RNF149: variants seen among roughly 807,000 people sequenced by gnomAD.
RNF149 encodes ring finger protein 149.
RNF149 carries 21 observed loss-of-function variants against 39.0 expected under a neutral mutation model. The observed-to-expected ratio is 0.54, with a 90% CI of 0.38 to 0.77. The LOEUF (loss-of-function observed/expected upper bound fraction) is 0.77, where lower values mean the gene tolerates loss of function less well. Ranked by LOEUF, RNF149 falls within the 30% of genes least tolerant of loss-of-function variation. The pLI is 0.00. For synonymous variants in RNF149, 209 were observed against 213.6 expected (o/e 0.98, Z 0.19); for missense variants, 493 against 534.9 (o/e 0.92, Z 0.77).
At chr2:101,300,975 T>C (rs1431468318) in intron 1 of RNF149, among the ~76,000 whole-genome samples, 1 of 152,222 alleles carries the variant, frequency 6.6e-6, no homozygotes, top group Non-Finnish European at 1.5e-5. Context: ...GCTCAAGTTA[T>C]TGTGCACCAC....
chr2:101,278,998 A>AT (rs1171117543), intron 6 of RNF149, among the ~76,000 whole-genome samples: 1 of 152,254 alleles, frequency 6.6e-6, no homozygotes, highest in African/African-American at 2.4e-5. Context: ...TTTCTCAACT[A>AT]TAAGTGAAAC....
In RNF149 at chr2:101,302,033, T is replaced by C. The variant is rs72986743; in HGVS notation, c.460+6096A>G. ...ACTAACTAACTGCAACACTCTACTTTTTTTCCCTCCTCTCTGGAGAATTTC... is the reference window on the plus strand; with the variant it reads ...ACTAACTAACTGCAACACTCTACTTCTTTTCCCTCCTCTCTGGAGAATTTC... On this transcript the variant is annotated intron_variant, in intron 1 of 6. Coordinates refer to ENST00000295317, the MANE Select transcript of RNF149 (RefSeq NM_173647.4). 2.8e-3 allele frequency among the ~76,000 whole-genome samples: 433 copies of C among 152,356 alleles called. 2 individuals carry two copies. Among genetic ancestry groups the C allele is most frequent in the African/African-American group, 9.7e-3 (403 of 41,592 alleles).
intron 1 of RNF149, chr2:101,307,885 G>C: frequency 1.0e-6 from 1 of 985,362 alleles, no homozygotes. Context: ...AACGTCTTTA[G>C]TACTCCCTTC....
intron 5 of RNF149, among the ~76,000 whole-genome samples, chr2:101,283,337 T>A (rs921946856): frequency 5.3e-5 from 8 of 152,078 alleles, no homozygotes; most frequent in African/African-American, 1.7e-4. Flanking sequence ...CATCTTTGTC[T>A]CCCCAGAGCC....
At chr2:101,286,450 T>C (rs1682797222) in intron 4 of RNF149, 1 of 251,756 alleles carries the variant, frequency 4.0e-6, no homozygotes, top group Admixed American at 5.4e-5. Flanking sequence ...CTGTAAGTTA[T>C]TTGAAAGCTT....
chr2:101,281,563 A>G, intron 6 of RNF149: 2 of 331,108 alleles, frequency 6.0e-6, no homozygotes, highest in Non-Finnish European at 1.1e-5. Context: ...GTACAGTGAC[A>G]GGATCATAGC....
chr2:101,296,974 T>G (rs1683256694), intron 1 of RNF149, among the ~76,000 whole-genome samples: 1 of 152,134 alleles, frequency 6.6e-6, no homozygotes, highest in Non-Finnish European at 1.5e-5. Flanking sequence ...TTTGGGAGGC[T>G]GAGGCGGGCG....
intron 1 of RNF149, among the ~76,000 whole-genome samples, chr2:101,306,030 G>T (rs1220484497): frequency 6.6e-6 from 1 of 152,182 alleles, no homozygotes; most frequent in Non-Finnish European, 1.5e-5. Flanking sequence ...CACCGATAAT[G>T]GGAAGAGAAG....
At chr2:101,304,422 G>A (rs1382042930) in intron 1 of RNF149, among the ~76,000 whole-genome samples, 1 of 151,950 alleles carries the variant, frequency 6.6e-6, no homozygotes, top group Non-Finnish European at 1.5e-5. Flanking sequence ...CAAAACAAAA[G>A]CAAACCCTTT....
At chr2:101,289,709 A>G (rs947518747) in intron 3 of RNF149, among the ~76,000 whole-genome samples, 8 of 143,064 alleles carry the variant, frequency 5.6e-5, no homozygotes, top group Non-Finnish European at 1.1e-4. Flanking sequence ...CTCTGTCTCA[A>G]AAAAAAAAAA....
chr2:101,275,954 G>A lies in RNF149; in HGVS notation c.*1284C>T. The A allele has an allele frequency of 1.0e-6, 1 of 979,542 alleles. No homozygotes were observed. Among genetic ancestry groups the A allele is most frequent in the Non-Finnish European group, 1.2e-6 (1 of 824,594 alleles). 60.7% of individuals were successfully genotyped at this position (979,542 alleles called of 1,614,324 possible). A position where few individuals can be genotyped will look rare whatever the true frequency, so the allele number is the denominator to read the frequency against. On this transcript the variant is annotated 3_prime_UTR_variant, in exon 7 of 7. Coordinates refer to ENST00000295317, the MANE Select transcript of RNF149 (RefSeq NM_173647.4). ...TCCTCATACTGCATCTGTCTGTAGA[G>A]TTTATTTCAGTAAAACTGTTTACTA... is the stretch of plus-strand genomic sequence containing the variant.
chr2:101,291,140 T>TATTA (rs1478251159), intron 3 of RNF149, among the ~76,000 whole-genome samples: 4 of 152,196 alleles, frequency 2.6e-5, no homozygotes, highest in Non-Finnish European at 5.9e-5. Flanking sequence ...AACATTTTAT[T>TATTA]ATTAATTAAT....
At chr2:101,273,372 T>C (rs1682210291), downstream of RNF149, 1 of 470,882 alleles carries the variant, frequency 2.1e-6, no homozygotes, top group Non-Finnish European at 4.4e-6. Context: ...GTGATTCATG[T>C]GGTAAATAAT....
In RNF149 at chr2:101,308,701, C is replaced by T. The variant is rs1683792234; in HGVS notation, c.-113G>A. On this transcript the variant is annotated 5_prime_UTR_variant, in exon 1 of 7. Transcript: ENST00000295317. ...CCGCCCTGGAAGACTGAGGCGGGGT[C>T]GGGGCCGCTGCGCACGCGCACCTGG... 6 of 1,027,792 alleles carry T rather than the reference C, an allele frequency of 5.8e-6. No homozygotes were observed. The highest frequency in any genetic ancestry group is 3.4e-5 in the Admixed American group (1 of 29,052). The allele number at this position is 1,027,792 out of a possible 1,614,324, so 63.7% of individuals were successfully genotyped here.
chr2:101,287,540 C>G (rs758874165), intron 4 of RNF149, among the ~76,000 whole-genome samples: 2 of 152,238 alleles, frequency 1.3e-5, no homozygotes, highest in African/African-American at 2.4e-5. Context: ...CCTAGTACTG[C>G]TCATCTGTGC....
At chr2:101,275,124 T>TG (rs1191025438), downstream of RNF149, among the ~76,000 whole-genome samples, 1 of 130,408 alleles carries the variant, frequency 7.7e-6, no homozygotes, top group Non-Finnish European at 1.6e-5. Context: ...TTTTTTTTTT[T>TG]TTTTTTTTTT....
intron 1 of RNF149, among the ~76,000 whole-genome samples, chr2:101,305,491 CCAAACTA>C: frequency 6.6e-6 from 1 of 152,274 alleles, no homozygotes; most frequent in East Asian, 1.9e-4. Context: ...CACACTGCTA[CCAAACTA>C]ATTTCCCTTT....
chr2:101,300,039 A>G (rs1683392769), intron 1 of RNF149, among the ~76,000 whole-genome samples: 1 of 152,240 alleles, frequency 6.6e-6, no homozygotes, highest in African/African-American at 2.4e-5. Context: ...ACAAAATGGG[A>G]ATGAGAATGA....
intron 3 of RNF149, among the ~76,000 whole-genome samples, chr2:101,291,616 A>C (rs565440047): frequency 6.6e-6 from 1 of 152,314 alleles, no homozygotes; most frequent in South Asian, 2.1e-4. Context: ...TTGTTATCAA[A>C]GACTGTATTA....
Sources: allele counts gnomAD v4.1 joint callset (sites outside exome capture counted in the v4.1 genomes callset), GRCh38; gene constraint gnomAD v4.1.1; transcripts MANE v1.5; gene names NCBI Gene and HGNC (gene_info 2026-07-23, HGNC 2026-07-21).